Variants in SLMAP observed in about 807,000 individuals in gnomAD.
SLMAP encodes sarcolemma associated protein.
Under a neutral mutation model 128.8 loss-of-function variants are expected in SLMAP, and 44 were observed. The observed-to-expected ratio is 0.34, with a 90% CI of 0.27 to 0.44. The LOEUF (loss-of-function observed/expected upper bound fraction) is 0.44. Among genes scored for constraint, SLMAP ranks in the 20% least tolerant of loss-of-function variants. SLMAP has a pLI of 1.00. For missense variants in SLMAP, 787 were observed against 985.3 expected (o/e 0.80, Z 2.69); for synonymous variants, 327 against 348.8 (o/e 0.94, Z 0.70).
At chr3:57,811,987 A>G (rs2091061795) in intron 2 of SLMAP, among the ~76,000 whole-genome samples, 1 of 152,132 alleles carries the variant, frequency 6.6e-6, no homozygotes, top group South Asian at 2.1e-4. Flanking sequence ...CCCTTATCAA[A>G]TGTATGATTT....
chr3:57,781,727 T>C (rs2083109917), intron 2 of SLMAP, among the ~76,000 whole-genome samples: 1 of 121,712 alleles, frequency 8.2e-6, no homozygotes, highest in Non-Finnish European at 1.7e-5. Context: ...AAATATTGAC[T>C]GATTTTTTTT....
rs55916379 is a variant in SLMAP, at chr3:57,869,630, T to TTATATATATATATATATATATATA, written c.1238-1999_1238-1976dup. Among the ~76,000 whole-genome samples, 67 of 75,398 alleles carry TTATATATATATATATATATATATA rather than the reference T, an allele frequency of 8.9e-4. 1 individual carries two copies. Among genetic ancestry groups the TTATATATATATATATATATATATA allele is most frequent in the East Asian group, 2.4e-3 (3 of 1,242 alleles). The allele number at this position is 75,398 out of a possible 152,430, so 49.5% of individuals were successfully genotyped here. A position where few individuals can be genotyped will look rare whatever the true frequency, so the allele number is the denominator to read the frequency against. On this transcript the variant is annotated intron_variant, in intron 13 of 24. Transcript: ENST00000671191. ...ACAACATAGCAAGATCCCATCTCTA[T>TTATATATATATATATATATATATA]TATATATATATATATATATATATAT...
At chr3:57,790,334 T>C (rs2085183419) in intron 2 of SLMAP, among the ~76,000 whole-genome samples, 1 of 152,210 alleles carries the variant, frequency 6.6e-6, no homozygotes, top group Admixed American at 6.5e-5. Context: ...GAATGATTCT[T>C]ACTTTACATT....
intron 2 of SLMAP, among the ~76,000 whole-genome samples, chr3:57,812,806 A>G (rs1257366860): frequency 6.6e-6 from 1 of 151,984 alleles, no homozygotes; most frequent in African/African-American, 2.4e-5. Flanking sequence ...AATTCATTAA[A>G]AATTTTTTTA....
At chr3:57,840,993 A>G (rs1577374643) in intron 3 of SLMAP, among the ~76,000 whole-genome samples, 1 of 152,184 alleles carries the variant, frequency 6.6e-6, no homozygotes, top group African/African-American at 2.4e-5. Flanking sequence ...GCAGATGGGG[A>G]AAAGTGTATT....
Position 57,836,389 on chromosome 3 carries a change from T to C in SLMAP, c.346+4859T>C, listed in dbSNP as rs571454294. ...AGAATATATATAATATGTAAGATTG[T>C]ATGTGTGTGTATCAGGATTTTGTTA... On this transcript the variant is annotated intron_variant, in intron 3 of 24. Transcript: ENST00000671191. 1.2e-3 allele frequency among the ~76,000 whole-genome samples: 178 copies of C among 152,370 alleles called. No homozygotes were observed. In the Middle Eastern group the frequency reaches 0.014, roughly 12 times the overall value.
At chr3:57,833,054 A>G (rs762610291) in intron 3 of SLMAP, among the ~76,000 whole-genome samples, 67 of 152,214 alleles carry the variant, frequency 4.4e-4, no homozygotes, top group Non-Finnish European at 8.4e-4. Context: ...TGAGTAACCC[A>G]TAGAGAAAAA....
At chr3:57,759,016 A>G (rs1352760574) in intron 2 of SLMAP, among the ~76,000 whole-genome samples, 1 of 152,226 alleles carries the variant, frequency 6.6e-6, no homozygotes, top group African/African-American at 2.4e-5. Context: ...GAGCCTCAAA[A>G]GGAAGAGAAA....
intron 2 of SLMAP, among the ~76,000 whole-genome samples, chr3:57,808,233 A>G (rs2090278272): frequency 6.6e-6 from 1 of 151,504 alleles, no homozygotes; most frequent in African/African-American, 2.4e-5. Context: ...TTTTTTTTGT[A>G]GGGTTTTTTG....
In SLMAP at chr3:57,848,469, GT is replaced by G. The variant is rs1417367446; in HGVS notation, c.456+1243del. On this transcript the variant is annotated intron_variant, in intron 5 of 24. Transcript: ENST00000671191. ...CCTTCTTCCTTCTTTCTTCTTACTC[GT>G]TTTTTTCTTCGTCCTCCCTCCTCCT... Among the ~76,000 whole-genome samples, 3 of 116,408 alleles carry G rather than the reference GT, an allele frequency of 2.6e-5. No homozygotes were observed. The East Asian group carries it at 7.1e-4, about 28-fold the overall frequency. The allele number at this position is 116,408 out of a possible 152,430, so 76.4% of individuals were successfully genotyped here.
intron 17 of SLMAP, among the ~76,000 whole-genome samples, chr3:57,903,133 G>A (rs768582467): frequency 6.6e-6 from 1 of 152,130 alleles, no homozygotes; most frequent in African/African-American, 2.4e-5. Context: ...AAAGAACAAT[G>A]GTGAAAGTAA....
chr3:57,839,509 C>G (rs140159349), intron 3 of SLMAP, among the ~76,000 whole-genome samples: 1,826 of 132,956 alleles, frequency 0.014, 27 homozygotes, highest in African/African-American at 0.05. Context: ...GGCATGGTCT[C>G]GGCTCACTGC....
At chr3:57,814,023 T>C (rs2091464730) in intron 2 of SLMAP, among the ~76,000 whole-genome samples, 1 of 152,108 alleles carries the variant, frequency 6.6e-6, no homozygotes. Context: ...GCCCTTATCC[T>C]TATACTGTGT....
chr3:57,830,951 T>G (rs549673151), intron 2 of SLMAP, among the ~76,000 whole-genome samples: 1 of 152,240 alleles, frequency 6.6e-6, no homozygotes, highest in Non-Finnish European at 1.5e-5. Flanking sequence ...TATGAATGTC[T>G]ACCACATTTG....
At chr3:57,796,474 C>T (rs1375305073) in intron 2 of SLMAP, among the ~76,000 whole-genome samples, 1 of 152,194 alleles carries the variant, frequency 6.6e-6, no homozygotes, top group Non-Finnish European at 1.5e-5. Context: ...GTCACTTGTT[C>T]TCTCTGGACC....
chr3:57,915,385 C>T (rs553905127), intron 21 of SLMAP, among the ~76,000 whole-genome samples: 1 of 152,336 alleles, frequency 6.6e-6, no homozygotes, highest in Admixed American at 6.5e-5. Flanking sequence ...TCTGCCTAAA[C>T]TCACATAAAG....
At chr3:57,830,228 G>A (rs2093247806) in intron 2 of SLMAP, among the ~76,000 whole-genome samples, 1 of 152,010 alleles carries the variant, frequency 6.6e-6, no homozygotes, top group Non-Finnish European at 1.5e-5. Context: ...GGCTGGTCTC[G>A]AACCTCTGAC....
chr3:57,762,046 T>C (rs1576028285), intron 2 of SLMAP, among the ~76,000 whole-genome samples: 2 of 111,762 alleles, frequency 1.8e-5, no homozygotes, highest in Admixed American at 1.1e-4. Context: ...AGAGCGAGAC[T>C]CCGTCTCAAA....
intron 5 of SLMAP, among the ~76,000 whole-genome samples, chr3:57,848,510 T>C (rs907035885): frequency 3.3e-5 from 5 of 150,634 alleles, no homozygotes; most frequent in Non-Finnish European, 1.5e-5. Flanking sequence ...CCTTCTTCTT[T>C]CTTCTTCTTC....
Sources: allele counts gnomAD v4.1 joint callset (sites outside exome capture counted in the v4.1 genomes callset), GRCh38; gene constraint gnomAD v4.1.1; transcripts MANE v1.5; gene names NCBI Gene and HGNC (gene_info 2026-07-23, HGNC 2026-07-21).